The following ATP2B4 variants were observed in gnomAD, a reference collection of about 807,000 sequenced individuals.
The protein encoded by ATP2B4 is ATPase plasma membrane Ca2+ transporting 4.
ATP2B4 carries 39 observed loss-of-function variants against 110.3 expected under a neutral mutation model. The ratio of observed to expected loss-of-function variants is 0.35; its 90% CI spans 0.27 to 0.46. The LOEUF (loss-of-function observed/expected upper bound fraction) is 0.46, where lower values mean the gene tolerates loss of function less well. Among genes scored for constraint, ATP2B4 ranks in the 20% least tolerant of loss-of-function variants. ATP2B4 has a pLI of 1.00. For missense variants in ATP2B4, 1,135 were observed against 1,530.9 expected (o/e 0.74, Z 4.32); for synonymous variants, 538 against 571.7 (o/e 0.94, Z 0.84).
chr1:203,637,417 C>G (rs374995992), intron 1 of ATP2B4, among the ~76,000 whole-genome samples: 1 of 117,672 alleles, frequency 8.5e-6, no homozygotes, highest in Non-Finnish European at 1.6e-5. Context: ...GCCTGGGTGA[C>G]AGAGCAAGAC....
intron 1 of ATP2B4, among the ~76,000 whole-genome samples, chr1:203,636,810 C>T (rs1663452759): frequency 6.6e-6 from 1 of 152,198 alleles, no homozygotes; most frequent in Admixed American, 6.5e-5. Flanking sequence ...CCAAACCAAA[C>T]TCTTTTATCA....
chr1:203,657,110 TAAC>T, intron 1 of ATP2B4: 1 of 826,590 alleles, frequency 1.2e-6, no homozygotes, highest in Non-Finnish European at 2.1e-6. Context: ...TCTTTGGTAA[TAAC>T]ACCCACAGTT....
rs1343184483 is a variant in ATP2B4 at position 203,714,278 on chromosome 1, G to GCACAGTGT, written c.2406+1_2406+2insCACAGTGT. 6.2e-7 allele frequency: 1 copy of GCACAGTGT among 1,614,040 alleles called. No homozygotes were observed. Among genetic ancestry groups the GCACAGTGT allele is most frequent in the Admixed American group, 1.7e-5 (1 of 60,026 alleles). On this transcript the variant is annotated splice_donor_variant, in intron 15 of 20. Coordinates refer to ENST00000357681, the MANE Select transcript of ATP2B4 (RefSeq NM_001684.5). LOFTEE classifies it high-confidence loss of function. ...GAAAGCGGATGTTGGTTTTGCCATG[G>GCACAGTGT]TAAGCTCAGCACAGTGTCTCTCTGA...
At chr1:203,713,707 C>G (rs534404754) in intron 14 of ATP2B4, among the ~76,000 whole-genome samples, 2 of 152,254 alleles carry the variant, frequency 1.3e-5, no homozygotes, top group Admixed American at 6.5e-5. Flanking sequence ...CCAGGTGATC[C>G]GCCCACCTCG....
intron 6 of ATP2B4, among the ~76,000 whole-genome samples, chr1:203,701,138 T>C (rs1251361111): frequency 6.6e-6 from 1 of 151,728 alleles, no homozygotes; most frequent in African/African-American, 2.4e-5. Flanking sequence ...CCAAATCAGG[T>C]TGAATTTGAG....
At chr1:203,660,059 G>A (rs1195385115) in intron 1 of ATP2B4, among the ~76,000 whole-genome samples, 4 of 150,508 alleles carry the variant, frequency 2.7e-5, no homozygotes, top group Non-Finnish European at 4.4e-5. Flanking sequence ...TCCAGCCTGG[G>A]CGGCAGAGCA....
intron 8 of ATP2B4, among the ~76,000 whole-genome samples, chr1:203,704,686 G>A (rs892047472): frequency 1.3e-5 from 2 of 151,666 alleles, no homozygotes; most frequent in Non-Finnish European, 2.9e-5. Context: ...TCACCATGTT[G>A]GCCAGGCTGG....
At chr1:203,724,925 G>A (rs948404422) in intron 19 of ATP2B4, among the ~76,000 whole-genome samples, 17 of 142,832 alleles carry the variant, frequency 1.2e-4, no homozygotes, top group Middle Eastern at 3.4e-3. Context: ...CACCCAGGCT[G>A]GAGTGCAGTT....
At chr1:203,688,087 G>A (rs1665255928) in intron 2 of ATP2B4, among the ~76,000 whole-genome samples, 1 of 149,368 alleles carries the variant, frequency 6.7e-6, no homozygotes, top group African/African-American at 2.5e-5. Flanking sequence ...GCAGTGGCAT[G>A]ATCTCGGCTC....
chr1:203,725,904 C>CTTTTTTTTTTTTTTTTTTTTTTTTT (rs756184004), intron 19 of ATP2B4, among the ~76,000 whole-genome samples: 8 of 93,378 alleles, frequency 8.6e-5, no homozygotes, highest in Non-Finnish European at 9.8e-5. Flanking sequence ...CTTTTCTTTT[C>CTTTTTTTTTTTTTTTTTTTTTTTTT]TTTTTTTTTT....
chr1:203,637,313 C>T (rs1663476275), intron 1 of ATP2B4, among the ~76,000 whole-genome samples: 1 of 152,044 alleles, frequency 6.6e-6, no homozygotes, highest in African/African-American at 2.4e-5. Flanking sequence ...CGCCTGTAGT[C>T]CCAGCTACTG....
rs771115970 is a variant in ATP2B4 at position 203,721,284 on chromosome 1, A to G, written c.2686A>G (p.Thr896Ala). ...ATTGGCCCTGGCCACAGAGCCCCCTACGGAATCTCTGTTGAAGCGGCGCCC... is the reference window on the plus strand; with the variant it reads ...ATTGGCCCTGGCCACAGAGCCCCCTGCGGAATCTCTGTTGAAGCGGCGCCC... ...ASLALATEPP[T>A]ESLLKRRPYG... The change falls in exon 17 of 21, where the codon ACG becomes GCG. Residue 896 changes from threonine (T) to alanine (A), a missense_variant. This residue lies in a region of ATP2B4 where 155 missense variants were observed against 186.2 expected (regional missense o/e 0.83). Coordinates refer to ENST00000357681, the MANE Select transcript of ATP2B4 (RefSeq NM_001684.5). 1 of 1,614,238 alleles carries G rather than the reference A, an allele frequency of 6.2e-7. No individual in the cohort carries two copies. The highest frequency in any genetic ancestry group is 8.5e-7 in the Non-Finnish European group (1 of 1,180,024).
intron 1 of ATP2B4, among the ~76,000 whole-genome samples, chr1:203,633,910 C>T (rs962213814): frequency 3.3e-5 from 5 of 151,794 alleles, no homozygotes; most frequent in Admixed American, 6.6e-5. Flanking sequence ...ATTAGCCGGG[C>T]GTGGTAGTGC....
At chr1:203,650,051 A>G (rs1178520544) in intron 1 of ATP2B4, among the ~76,000 whole-genome samples, 1 of 152,224 alleles carries the variant, frequency 6.6e-6, no homozygotes, top group Non-Finnish European at 1.5e-5. Flanking sequence ...CTTCCCTTCC[A>G]TGGTGATGTA....
chr1:203,677,902 G>A (rs1299210521), intron 1 of ATP2B4, among the ~76,000 whole-genome samples: 1 of 152,202 alleles, frequency 6.6e-6, no homozygotes, highest in Non-Finnish European at 1.5e-5. Flanking sequence ...GTATCTCCAA[G>A]TGCTACCGGC....
chr1:203,627,925 C>T (rs1321016256), intron 1 of ATP2B4, among the ~76,000 whole-genome samples: 5 of 152,202 alleles, frequency 3.3e-5, no homozygotes. Context: ...CTGGGAGTTA[C>T]CTCGTACCGC....
chr1:203,700,473 A>G, intron 5 of ATP2B4, 142 bp downstream of exon 5: 1 of 1,205,018 alleles, frequency 8.3e-7, no homozygotes, highest in Non-Finnish European at 1.1e-6. Context: ...TGGTGGGTGG[A>G]ATACAAGGAT....
At chr1:203,682,022 A>C (rs915336369) in intron 1 of ATP2B4, among the ~76,000 whole-genome samples, 1 of 49,880 alleles carries the variant, frequency 2.0e-5, no homozygotes, top group Admixed American at 3.1e-4. Context: ...AGGAGGGTGG[A>C]GCTTAGCCTC....
chr1:203,660,510 G>T (rs751537497), intron 1 of ATP2B4, among the ~76,000 whole-genome samples: 2 of 151,646 alleles, frequency 1.3e-5, no homozygotes, highest in Non-Finnish European at 2.9e-5. Context: ...GAGGTGGGGG[G>T]TGGGGGGAGG....
Sources: allele counts gnomAD v4.1 joint callset (sites outside exome capture counted in the v4.1 genomes callset), GRCh38; gene constraint gnomAD v4.1.1; regional missense constraint gnomAD v4.1.1; transcripts MANE v1.5; gene names NCBI Gene and HGNC (gene_info 2026-07-23, HGNC 2026-07-21).